Variants in H1-10 observed in about 807,000 individuals in gnomAD.
H1-10 encodes histone H1.10.
For missense variants in H1-10, 307 were observed against 297.9 expected, an observed-to-expected ratio of 1.03 and a Z score of -0.22; for synonymous variants, 191 against 140.9, an observed-to-expected ratio of 1.36 and a Z score of -2.52.
chr3:129,315,548 T>C lies in H1-10; in HGVS notation c.355A>G (p.Lys119Glu). ...GANGSFKLNRKKLEGGGERRG... is the reference protein window; with the variant it reads ...GANGSFKLNREKLEGGGERRG... ...CGCTCCCCGCCGCCCTCCAGCTTCT[T>C]GCGGTTGAGCTTGAAGGAACCGTTG... The change falls in exon 1 of 1, where the codon AAG becomes GAG. Residue 119 changes from lysine (K) to glutamate (E), a missense_variant. By Grantham distance (56) the Lys-to-Glu change is moderately conservative. Coordinates refer to ENST00000333762, the MANE Select transcript of H1-10 (RefSeq NM_006026.4). The C allele has an allele frequency of 6.5e-7, 1 of 1,546,350 alleles. No individual in the cohort carries two copies. Among genetic ancestry groups the C allele is most frequent in the Non-Finnish European group, 8.7e-7 (1 of 1,146,588 alleles).
chr3:129,315,832 G>A lies in H1-10; in HGVS notation c.71C>T (p.Ala24Val), dbSNP rs749366252. 5.6e-6 allele frequency: 9 copies of A among 1,603,506 alleles called. No homozygotes were observed. The highest frequency in any genetic ancestry group is 6.8e-6 in the Non-Finnish European group (8 of 1,175,704). Residue 24 changes from alanine (A) to valine (V), a missense_variant, in exon 1 of 1, where the codon GCT becomes GTT. Ala to Val is a moderately conservative substitution (Grantham distance 64, BLOSUM62 0). Transcript: ENST00000333762. ...TGGGGACAACGCCGCCGAGCCGCCA[G>A]CCTTGGTCACCTTCTTGGCCATTCC... ...AEGMAKKVTKAGGSAALSPSK... is the reference protein window; with the variant it reads ...AEGMAKKVTKVGGSAALSPSK...
rs780677907 is a variant in H1-10 at position 129,315,327 on chromosome 3, G to A, written c.576C>T (p.Ala192=). The part of the protein sequence containing the change: ...KGGKAKKTAA[A]GGKKVKKAAK... Reference sequence around the variant, plus strand: ...CCGCCTTCTTCACCTTCTTGCCCCCGGCGGCCGCCGTCTTCTTGGCCTTGC... The same window carrying A: ...CCGCCTTCTTCACCTTCTTGCCCCCAGCGGCCGCCGTCTTCTTGGCCTTGC... Residue 192 remains alanine (A), a synonymous_variant, in exon 1 of 1, where the codon GCC becomes GCT. Transcript: ENST00000333762. 4 of 1,514,680 alleles carry A rather than the reference G, an allele frequency of 2.6e-6. No individual in the cohort carries two copies. The highest frequency in any genetic ancestry group is 2.6e-5 in the East Asian group (1 of 38,334). 93.8% of individuals were successfully genotyped at this position (1,514,680 alleles called of 1,614,324 possible). A position where few individuals can be genotyped will look rare whatever the true frequency, so the allele number is the denominator to read the frequency against.
chr3:129,315,977 GAGGGGGTGC>G lies in H1-10; in HGVS notation c.-84_-76del. ...GCCGGGAAGAGGAAGGCGAGGGGCC[GAGGGGGTGC>G]AGGGGGGCTGGGGGCGCGCGGCGGC... On this transcript the variant is annotated 5_prime_UTR_variant, in exon 1 of 1. Transcript: ENST00000333762. The G allele has an allele frequency of 8.7e-7, 1 of 1,151,066 alleles. No individual in the cohort carries two copies. Among genetic ancestry groups the G allele is most frequent in the Non-Finnish European group, 1.2e-6 (1 of 853,760 alleles). 71.3% of individuals were successfully genotyped at this position (1,151,066 alleles called of 1,614,324 possible). A position where few individuals can be genotyped will look rare whatever the true frequency, so the allele number is the denominator to read the frequency against.
In H1-10 at chr3:129,315,432, C is replaced by T; in HGVS notation, c.471G>A (p.Ala157=). 3.4e-6 allele frequency: 5 copies of T among 1,479,252 alleles called. No individual in the cohort carries two copies. Among genetic ancestry groups the T allele is most frequent in the Non-Finnish European group, 4.5e-6 (5 of 1,121,130 alleles). The allele number at this position is 1,479,252 out of a possible 1,614,324, so 91.6% of individuals were successfully genotyped here. A position where few individuals can be genotyped will look rare whatever the true frequency, so the allele number is the denominator to read the frequency against. ...TCTGGCCCCTGGCGGGCTTCTTGTC[C>T]GCGCGCCGGGAGCCGGCCGCGCCCG... The part of the protein sequence containing the change: ...AAPGAAGSRR[A]DKKPARGQKP... Residue 157 remains alanine, a synonymous_variant, in exon 1 of 1, where the codon GCG becomes GCA. Transcript: ENST00000333762.
Position 129,315,530 on chromosome 3 carries a change from C to T in H1-10, c.373G>A (p.Gly125Arg). Residue 125 changes from glycine (G) to arginine (R), a missense_variant, in exon 1 of 1, where the codon GGG becomes AGG. Transcript: ENST00000333762. ...KLNRKKLEGG[G>R]ERRGAPAAAT... ...GCCGCCGGGGCTCCGCGCCGCTCCC[C>T]GCCGCCCTCCAGCTTCTTGCGGTTG... 1 of 1,540,320 alleles carries T rather than the reference C, an allele frequency of 6.5e-7. No individual in the cohort carries two copies. The highest frequency in any genetic ancestry group is 1.2e-5 in the South Asian group (1 of 83,816).
Position 129,315,842 on chromosome 3 carries a change from CCTT to C in H1-10, c.58_60del (p.Lys20del). On this transcript the variant is annotated inframe_deletion, in exon 1 of 1. Coordinates refer to ENST00000333762, the MANE Select transcript of H1-10 (RefSeq NM_006026.4). ...GCCGCCGAGCCGCCAGCCTTGGTCA[CCTT>C]CTTGGCCATTCCCTCGGCGGTCGTC... is the stretch of plus-strand genomic sequence containing the variant. 6.2e-7 allele frequency: 1 copy of C among 1,602,704 alleles called. No individual in the cohort carries two copies. Among genetic ancestry groups the C allele is most frequent in the Non-Finnish European group, 8.5e-7 (1 of 1,175,126 alleles).
At position 129,314,988 on chromosome 3, in the gene H1-10, C is replaced by T. The variant is rs1236594026; in HGVS notation, c.*273G>A. 1 of 271,176 alleles carries T rather than the reference C, an allele frequency of 3.7e-6. No individual in the cohort carries two copies. Among genetic ancestry groups the T allele is most frequent in the East Asian group, 6.5e-5 (1 of 15,478 alleles). The allele number at this position is 271,176 out of a possible 1,614,324, so 16.8% of individuals were successfully genotyped here. A position where few individuals can be genotyped will look rare whatever the true frequency, so the allele number is the denominator to read the frequency against. On this transcript the variant is annotated 3_prime_UTR_variant, in exon 1 of 1. Transcript: ENST00000333762. ...GCAGGCGCGGCCTCGGCCATCGGCGCCTAGGGGCCAGTAACCATGACGACG... is the reference window on the plus strand; with the variant it reads ...GCAGGCGCGGCCTCGGCCATCGGCGTCTAGGGGCCAGTAACCATGACGACG...
In H1-10 at chr3:129,315,283, T is replaced by A; in HGVS notation, c.620A>T (p.Lys207Ile). 1 of 1,462,124 alleles carries A rather than the reference T, an allele frequency of 6.8e-7. No homozygotes were observed. Among genetic ancestry groups the A allele is most frequent in the Non-Finnish European group, 9.0e-7 (1 of 1,108,150 alleles). 90.6% of individuals were successfully genotyped at this position (1,462,124 alleles called of 1,614,324 possible). A position where few individuals can be genotyped will look rare whatever the true frequency, so the allele number is the denominator to read the frequency against. Residue 207 changes from lysine (K) to isoleucine (I), a missense_variant, in exon 1 of 1, where the codon AAA (lysine) becomes ATA (isoleucine). Lys to Ile is a moderately radical substitution (Grantham distance 102). Transcript: ENST00000333762. ...CGCTCACTTGCGGCCCTTGGGCACT[T>A]TGGGGACGCTGGGCTTGGCCGCCTT... The part of the protein sequence containing the change: ...VKKAAKPSVP[K>I]VPKGRK
In H1-10 at chr3:129,315,467, T is replaced by C. The variant is rs1268687656; in HGVS notation, c.436A>G (p.Lys146Glu). The C allele has an allele frequency of 4.6e-6, 7 of 1,511,482 alleles. No individual in the cohort carries two copies. Among genetic ancestry groups the C allele is most frequent in the East Asian group, 5.1e-5 (2 of 39,106 alleles). 93.6% of individuals were successfully genotyped at this position (1,511,482 alleles called of 1,614,324 possible). Residue 146 changes from lysine (K) to glutamate (E), a missense_variant, in exon 1 of 1, where the codon AAG becomes GAG. Lys to Glu is a moderately conservative substitution (Grantham distance 56). Coordinates refer to ENST00000333762, the MANE Select transcript of H1-10 (RefSeq NM_006026.4). ...GAGCCGGCCGCGCCCGGGGCTGCCT[T>C]CTTCGCTTTGTGCGCGGTGGGGGCC... ...APAPTAHKAKKAAPGAAGSRR... is the reference protein window; with the variant it reads ...APAPTAHKAKEAAPGAAGSRR...
chr3:129,315,471 C>T lies in H1-10; in HGVS notation c.432G>A (p.Ala144=), dbSNP rs756931129. The change falls in exon 1 of 1, where the codon GCG becomes GCA. Residue 144 remains alanine, a synonymous_variant. Transcript: ENST00000333762. ...ATAPAPTAHK[A]KKAAPGAAGS... is the part of the protein sequence containing the mutation. Reference sequence around the variant, plus strand: ...CGGCCGCGCCCGGGGCTGCCTTCTTCGCTTTGTGCGCGGTGGGGGCCGGGG... The same window carrying T: ...CGGCCGCGCCCGGGGCTGCCTTCTTTGCTTTGTGCGCGGTGGGGGCCGGGG... The T allele has an allele frequency of 1.3e-6, 2 of 1,501,880 alleles. No homozygotes were observed. Among genetic ancestry groups the T allele is most frequent in the East Asian group, 5.2e-5 (2 of 38,572 alleles). The allele number at this position is 1,501,880 out of a possible 1,614,324, so 93.0% of individuals were successfully genotyped here. A position where few individuals can be genotyped will look rare whatever the true frequency, so the allele number is the denominator to read the frequency against.
Position 129,315,561 on chromosome 3 carries a change from G to C in H1-10, c.342C>G (p.Phe114Leu). ...QVKGTGANGS[F>L]KLNRKKLEGG... ...CCTCCAGCTTCTTGCGGTTGAGCTT[G>C]AAGGAACCGTTGGCGCCGGTGCCCT... Residue 114 changes from phenylalanine to leucine, a missense_variant, in exon 1 of 1, where the codon TTC becomes TTG. Transcript: ENST00000333762. The C allele has an allele frequency of 6.5e-7, 1 of 1,548,774 alleles. No homozygotes were observed. The highest frequency in any genetic ancestry group is 8.7e-7 in the Non-Finnish European group (1 of 1,147,038).
rs2071286047 is a variant in H1-10, at chr3:129,314,909, G to C, written c.*352C>G. 5.4e-6 allele frequency: 1 copy of C among 185,074 alleles called. No homozygotes were observed. Among genetic ancestry groups the C allele is most frequent in the Non-Finnish European group, 1.1e-5 (1 of 90,484 alleles). 11.5% of individuals were successfully genotyped at this position (185,074 alleles called of 1,614,324 possible). ...GTGGGGAGCTGGGAAAGGATGCGCG[G>C]CCTCCGCGTCCCCGCGCGCCTGGGC... On this transcript the variant is annotated 3_prime_UTR_variant, in exon 1 of 1. Coordinates refer to ENST00000333762, the MANE Select transcript of H1-10 (RefSeq NM_006026.4).
rs1413242153 is a variant in H1-10, at chr3:129,315,808, G to A, written c.95C>T (p.Pro32Leu). 2 of 1,604,358 alleles carry A rather than the reference G, an allele frequency of 1.2e-6. No homozygotes were observed. Among genetic ancestry groups the A allele is most frequent in the African/African-American group, 1.3e-5 (1 of 74,736 alleles). The part of the protein sequence containing the change: ...TKAGGSAALS[P>L]SKKRKNSKKK... ...CTTGCTATTCTTCCTCTTCTTAGAT[G>A]GGGACAACGCCGCCGAGCCGCCAGC... Residue 32 changes from proline to leucine, a missense_variant, in exon 1 of 1, where the codon CCA (proline) becomes CTA (leucine). By Grantham distance (98) the Pro-to-Leu change is moderately conservative. Transcript: ENST00000333762.
Position 129,315,184 on chromosome 3 carries a change from C to CAAA in H1-10, c.*74_*76dup. ...GCGGCCCCGGCCGGCGTGAGCCGTACAAAATCTACGTCACTTGGGGTAGAA... is the reference window on the plus strand; with the variant it reads ...GCGGCCCCGGCCGGCGTGAGCCGTACAAAAAAATCTACGTCACTTGGGGTAGAA... On this transcript the variant is annotated 3_prime_UTR_variant, in exon 1 of 1. Transcript: ENST00000333762. The CAAA allele has an allele frequency of 8.1e-7, 1 of 1,236,210 alleles. No homozygotes were observed. The highest frequency in any genetic ancestry group is 1.0e-6 in the Non-Finnish European group (1 of 981,038). 76.6% of individuals were successfully genotyped at this position (1,236,210 alleles called of 1,614,324 possible).
At position 129,315,731 on chromosome 3, in the gene H1-10, T is replaced by A; in HGVS notation, c.172A>T (p.Arg58Trp). ...YSQLVVETIR[R>W]LGERNGSSLA... ...GACGAGCCGTTGCGCTCGCCCAGCC[T>A]ACGGATGGTCTCCACCACCAGCTGG... The change falls in exon 1 of 1, where the codon AGG (arginine) becomes TGG (tryptophan). Residue 58 changes from arginine to tryptophan, a missense_variant. Physicochemically the swap from Arg to Trp is moderately radical, Grantham distance 101. Coordinates refer to ENST00000333762, the MANE Select transcript of H1-10 (RefSeq NM_006026.4). The A allele has an allele frequency of 6.3e-7, 1 of 1,594,698 alleles. No individual in the cohort carries two copies. The highest frequency in any genetic ancestry group is 1.1e-5 in the South Asian group (1 of 87,692).
rs1234520942 is a variant in H1-10, at chr3:129,315,817, G to A, written c.86C>T (p.Ala29Val). The change falls in exon 1 of 1, where the codon GCG (alanine) becomes GTG (valine). Residue 29 changes from alanine to valine, a missense_variant. Transcript: ENST00000333762. ...KKVTKAGGSA[A>V]LSPSKKRKNS... ...CTTCCTCTTCTTAGATGGGGACAAC[G>A]CCGCCGAGCCGCCAGCCTTGGTCAC... 12 of 1,602,272 alleles carry A rather than the reference G, an allele frequency of 7.5e-6. No homozygotes were observed. Among genetic ancestry groups the A allele is most frequent in the African/African-American group, 2.7e-5 (2 of 74,686 alleles).
chr3:129,315,161 G>T lies in H1-10; in HGVS notation c.*100C>A. 1 of 1,093,052 alleles carries T rather than the reference G, an allele frequency of 9.1e-7. No individual in the cohort carries two copies. Among genetic ancestry groups the T allele is most frequent in the Non-Finnish European group, 1.2e-6 (1 of 856,618 alleles). 67.7% of individuals were successfully genotyped at this position (1,093,052 alleles called of 1,614,324 possible). ...CCCTGAGGCTCAGACCAGGCCTCGC[G>T]GCCCCGGCCGGCGTGAGCCGTACAA... On this transcript the variant is annotated 3_prime_UTR_variant, in exon 1 of 1. Coordinates refer to ENST00000333762, the MANE Select transcript of H1-10 (RefSeq NM_006026.4).
In H1-10 at chr3:129,315,955, G is replaced by A; in HGVS notation, c.-53C>T. 6.9e-7 allele frequency: 1 copy of A among 1,459,066 alleles called. No individual in the cohort carries two copies. Among genetic ancestry groups the A allele is most frequent in the Non-Finnish European group, 9.1e-7 (1 of 1,093,340 alleles). The allele number at this position is 1,459,066 out of a possible 1,614,324, so 90.4% of individuals were successfully genotyped here. A position where few individuals can be genotyped will look rare whatever the true frequency, so the allele number is the denominator to read the frequency against. On this transcript the variant is annotated 5_prime_UTR_variant, in exon 1 of 1. Coordinates refer to ENST00000333762, the MANE Select transcript of H1-10 (RefSeq NM_006026.4). ...CGCGCGGAAGCCGGGGGGCCGCGCC[G>A]GGAAGAGGAAGGCGAGGGGCCGAGG...
In H1-10 at chr3:129,315,335, C is replaced by T; in HGVS notation, c.568G>A (p.Ala190Thr). ...KDKGGKAKKT[A>T]AAGGKKVKKA... ...TTCACCTTCTTGCCCCCGGCGGCCG[C>T]CGTCTTCTTGGCCTTGCCGCCTTTG... The change falls in exon 1 of 1, where the codon GCG becomes ACG. Residue 190 changes from alanine (A) to threonine (T), a missense_variant. Ala to Thr is a moderately conservative substitution (Grantham distance 58). Transcript: ENST00000333762. 1 of 1,520,562 alleles carries T rather than the reference C, an allele frequency of 6.6e-7. No individual in the cohort carries two copies. Among genetic ancestry groups the T allele is most frequent in the Non-Finnish European group, 8.8e-7 (1 of 1,138,200 alleles). The allele number at this position is 1,520,562 out of a possible 1,614,324, so 94.2% of individuals were successfully genotyped here.
Sources: gnomAD v4.1 joint callset for allele counts on GRCh38, gnomAD v4.1.1 for gene constraint, MANE v1.5 for transcripts, NCBI Gene and HGNC (gene_info 2026-07-23, HGNC 2026-07-21) for gene names.